ORC4: variants seen among roughly 807,000 people sequenced by gnomAD.
ORC4 encodes the protein origin recognition complex, subunit 4 homolog.
Under a neutral mutation model 63.9 loss-of-function variants are expected in ORC4, and 55 were observed. The observed-to-expected ratio is 0.86, with a 90% CI of 0.69 to 1.08. The LOEUF (loss-of-function observed/expected upper bound fraction) is 1.08. Ranked by LOEUF, ORC4 falls within the 50% of genes least tolerant of loss-of-function variation. ORC4 has a pLI of 0.00. For synonymous variants in ORC4, 150 were observed against 168.5 expected (o/e 0.89, Z 0.85); for missense variants, 511 against 504.4 (o/e 1.01, Z -0.13).
In ORC4 at chr2:147,964,130, C is replaced by T. The variant is rs181379676; in HGVS notation, c.226-5264G>A. ...AACAGACAAGAATCATAAAGAAATA[C>T]AGAAAATGCCAGAAGAATTTAAAAT... On this transcript the variant is annotated intron_variant, in intron 4 of 13. Coordinates refer to ENST00000392857, the MANE Select transcript of ORC4 (RefSeq NM_181741.4). Among the ~76,000 whole-genome samples the T allele has an allele frequency of 7.9e-5, 12 of 152,080 alleles. No homozygotes were observed. In the East Asian group the frequency reaches 2.3e-3, roughly 29 times the overall value.
chr2:147,968,432 A>T (rs1294971215), intron 4 of ORC4, among the ~76,000 whole-genome samples: 1 of 152,098 alleles, frequency 6.6e-6, no homozygotes, highest in Non-Finnish European at 1.5e-5. Flanking sequence ...AAGGAACTCC[A>T]GTATCTCAAA....
chr2:147,943,370 G>C (rs1573753055), intron 10 of ORC4, 66 bp downstream of exon 10: 4 of 1,060,060 alleles, frequency 3.8e-6, no homozygotes, highest in South Asian at 1.3e-5. Context: ...GAGCAACAAA[G>C]TGAGACCCCG....
At chr2:147,944,020 C>G (rs572056897) in intron 9 of ORC4, among the ~76,000 whole-genome samples, 7 of 152,160 alleles carry the variant, frequency 4.6e-5, no homozygotes, top group Admixed American at 4.6e-4. Context: ...ACTGGAGTTT[C>G]AATTACTGGC....
rs1374653647 is a variant in ORC4 at position 147,932,135 on chromosome 2, A to G, written c.*3375T>C. The G allele has an allele frequency of 2.7e-5, 4 of 149,306 alleles. No homozygotes were observed. The highest frequency in any genetic ancestry group is 9.8e-5 in the African/African-American group (4 of 40,890). The allele number at this position is 149,306 out of a possible 1,614,324, so 9.2% of individuals were successfully genotyped here. A position where few individuals can be genotyped will look rare whatever the true frequency, so the allele number is the denominator to read the frequency against. ...CAGGATACAAAATCAATGTACAAAA[A>G]TCACAAGCATTCTTATACACCAACA... On this transcript the variant is annotated 3_prime_UTR_variant, in exon 14 of 14. Coordinates refer to ENST00000392857, the MANE Select transcript of ORC4 (RefSeq NM_181741.4).
In ORC4 at chr2:147,933,211, A is replaced by G. The variant is rs529837661; in HGVS notation, c.*2299T>C. 1.3e-5 allele frequency: 2 copies of G among 152,274 alleles called. No homozygotes were observed. Among genetic ancestry groups the G allele is most frequent in the East Asian group, 3.9e-4 (2 of 5,184 alleles). 9.4% of individuals were successfully genotyped at this position (152,274 alleles called of 1,614,324 possible). A position where few individuals can be genotyped will look rare whatever the true frequency, so the allele number is the denominator to read the frequency against. Reference sequence around the variant, plus strand: ...CCTCCTCTAGTAAATGAAGAAAATAAGCTATATGTATAAGTTTACATTATT... The same window carrying G: ...CCTCCTCTAGTAAATGAAGAAAATAGGCTATATGTATAAGTTTACATTATT... On this transcript the variant is annotated 3_prime_UTR_variant, in exon 14 of 14. Coordinates refer to ENST00000392857, the MANE Select transcript of ORC4 (RefSeq NM_181741.4).
At chr2:148,020,100 C>CA (rs1485089389) in intron 1 of ORC4, among the ~76,000 whole-genome samples, 1 of 152,158 alleles carries the variant, frequency 6.6e-6, no homozygotes, top group Non-Finnish European at 1.5e-5. Context: ...AGCAACAACG[C>CA]AAGACATGGA....
At chr2:148,016,828 G>A (rs1208771225) in intron 1 of ORC4, among the ~76,000 whole-genome samples, 1 of 152,096 alleles carries the variant, frequency 6.6e-6, no homozygotes, top group Non-Finnish European at 1.5e-5. Context: ...AATTTCTTTT[G>A]TACCAACCTA....
Position 147,932,010 on chromosome 2 carries a change from T to C in ORC4, c.*3500A>G, listed in dbSNP as rs1294979606. ...GGTATTCAATTAGGAAAAGAGGAAG[T>C]CAAATTGTCCGTTTGCAGACGACAT... On this transcript the variant is annotated 3_prime_UTR_variant, in exon 14 of 14. Coordinates refer to ENST00000392857, the MANE Select transcript of ORC4 (RefSeq NM_181741.4). 1 of 151,984 alleles carries C rather than the reference T, an allele frequency of 6.6e-6. No individual in the cohort carries two copies. Among genetic ancestry groups the C allele is most frequent in the Admixed American group, 6.6e-5 (1 of 15,232 alleles). 9.4% of individuals were successfully genotyped at this position (151,984 alleles called of 1,614,324 possible).
At chr2:148,015,900 GC>G (rs1188617020) in intron 1 of ORC4, among the ~76,000 whole-genome samples, 2 of 152,130 alleles carry the variant, frequency 1.3e-5, no homozygotes, top group African/African-American at 4.8e-5. Flanking sequence ...AGATACCAGA[GC>G]CTTGAGGATG....
chr2:147,967,828 G>A (rs964715211), intron 4 of ORC4, among the ~76,000 whole-genome samples: 4 of 151,840 alleles, frequency 2.6e-5, no homozygotes, highest in Non-Finnish European at 5.9e-5. Context: ...AACAAAAGAT[G>A]CCAAATCGCT....
intron 4 of ORC4, 102 bp from the exon 5 acceptor site, chr2:147,958,968 G>T (rs1384526509): frequency 4.9e-6 from 3 of 606,368 alleles, no homozygotes; most frequent in Non-Finnish European, 8.9e-6. Flanking sequence ...TAAATAAATT[G>T]ACCTCTTTAA....
chr2:147,961,319 C>T (rs941239438), intron 4 of ORC4, among the ~76,000 whole-genome samples: 3 of 151,826 alleles, frequency 2.0e-5, no homozygotes, highest in Non-Finnish European at 2.9e-5. Flanking sequence ...ACATGCCTGT[C>T]CCAGCTACTC....
intron 7 of ORC4, among the ~76,000 whole-genome samples, chr2:147,954,027 AT>A (rs1384389532): frequency 6.6e-6 from 1 of 151,520 alleles, no homozygotes; most frequent in Non-Finnish European, 1.5e-5. Context: ...TAAAATCAGA[AT>A]AAATTCCAAA....
intron 1 of ORC4, among the ~76,000 whole-genome samples, chr2:147,987,384 A>ATC (rs1691278620): frequency 1.5e-5 from 1 of 64,604 alleles, no homozygotes; most frequent in South Asian, 8.9e-4. Context: ...GTGTGTGTGT[A>ATC]TATATATACA....
Position 147,931,917 on chromosome 2 carries a change from C to T in ORC4, c.*3593G>A, listed in dbSNP as rs555807167. On this transcript the variant is annotated 3_prime_UTR_variant, in exon 14 of 14. Transcript: ENST00000392857. ...GGCACAAGACAGGGATGCCCTCTCTCACCACTCGTATTCAACATAGTGTTG... is the reference window on the plus strand; with the variant it reads ...GGCACAAGACAGGGATGCCCTCTCTTACCACTCGTATTCAACATAGTGTTG... 2.0e-3 allele frequency: 304 copies of T among 151,182 alleles called. No homozygotes were observed. Among genetic ancestry groups the T allele is most frequent in the African/African-American group, 7.0e-3 (285 of 40,726 alleles). The allele number at this position is 151,182 out of a possible 1,614,324, so 9.4% of individuals were successfully genotyped here.
At position 147,933,163 on chromosome 2, in the gene ORC4, A is replaced by G. The variant is rs1366712132; in HGVS notation, c.*2347T>C. 1 of 152,108 alleles carries G rather than the reference A, an allele frequency of 6.6e-6. No homozygotes were observed. The highest frequency in any genetic ancestry group is 2.4e-5 in the African/African-American group (1 of 41,440). The allele number at this position is 152,108 out of a possible 1,614,324, so 9.4% of individuals were successfully genotyped here. On this transcript the variant is annotated 3_prime_UTR_variant, in exon 14 of 14. Coordinates refer to ENST00000392857, the MANE Select transcript of ORC4 (RefSeq NM_181741.4). ...TAATCAGATTGAAAAGCAGGAGTTC[A>G]TGCATTTTTTGGTTCTATTTTTCCT...
Position 147,935,264 on chromosome 2 carries a change from C to A in ORC4, c.*246G>T. On this transcript the variant is annotated 3_prime_UTR_variant, in exon 14 of 14. Transcript: ENST00000392857. ...GTGTTAAAAAAGCACATGGTCTAGT[C>A]CCTAAAACAGTCATATTTTATTCTT... 1 of 513,354 alleles carries A rather than the reference C, an allele frequency of 1.9e-6. No individual in the cohort carries two copies. Among genetic ancestry groups the A allele is most frequent in the South Asian group, 2.1e-5 (1 of 47,920 alleles). The allele number at this position is 513,354 out of a possible 1,614,324, so 31.8% of individuals were successfully genotyped here.
chr2:147,990,299 A>G (rs989677954), intron 1 of ORC4, among the ~76,000 whole-genome samples: 7 of 152,210 alleles, frequency 4.6e-5, no homozygotes, highest in Non-Finnish European at 8.8e-5. Context: ...GGTGGTTTCC[A>G]TGTTTTGTTA....
chr2:147,962,849 C>A (rs1409005671), intron 4 of ORC4, among the ~76,000 whole-genome samples: 2 of 152,076 alleles, frequency 1.3e-5, no homozygotes, highest in Non-Finnish European at 2.9e-5. Context: ...CCTGTGCCCA[C>A]AATCAGAGCC....
Sources: gnomAD v4.1 joint callset for allele counts (sites outside exome capture counted in the v4.1 genomes callset) on GRCh38, gnomAD v4.1.1 for gene constraint, MANE v1.5 for transcripts, NCBI Gene and HGNC (gene_info 2026-07-23, HGNC 2026-07-21) for gene names.